MAPK1IP1L: variants seen among roughly 807,000 people sequenced by gnomAD.
MAPK1IP1L encodes mitogen-activated protein kinase 1 interacting protein 1 like.
A neutral mutation model predicts 18.1 loss-of-function variants in MAPK1IP1L; 10 were observed. The ratio of observed to expected loss-of-function variants is 0.55; its 90% CI spans 0.34 to 0.94. MAPK1IP1L has a LOEUF of 0.94. Ranked by LOEUF, MAPK1IP1L falls within the 40% of genes least tolerant of loss-of-function variation. The probability of loss-of-function intolerance (pLI) is 0.02; values close to 1 mark genes in which losing one functional copy is unlikely to be tolerated. For synonymous variants in MAPK1IP1L, 115 were observed against 117.3 expected (o/e 0.98, Z 0.13); for missense variants, 260 against 318.2 (o/e 0.82, Z 1.39).
rs766371369 is a variant in MAPK1IP1L, at chr14:55,062,863, T to G, written c.264T>G (p.Phe88Leu). 3 of 1,613,986 alleles carry G rather than the reference T, an allele frequency of 1.9e-6. No homozygotes were observed. The highest frequency in any genetic ancestry group is 2.5e-6 in the Non-Finnish European group (3 of 1,179,982). Residue 88 changes from phenylalanine to leucine, a missense_variant, in exon 3 of 4, where the codon TTT becomes TTG. By Grantham distance (22) the Phe-to-Leu change is conservative. Transcript: ENST00000395468. ...CACCTCCAGGACCCCCAGCACCCTT[T>G]CCTCCTTCCGGACCATCATGTCCCC... is the stretch of plus-strand genomic sequence containing the variant. ...TGPPPGPPAP[F>L]PPSGPSCPPP...
In MAPK1IP1L at chr14:55,068,282, G is replaced by A. The variant is rs74695522; in HGVS notation, c.*3655G>A. 0.012 allele frequency: 1,861 copies of A among 152,654 alleles called. 22 individuals carry two copies. Among genetic ancestry groups the A allele is most frequent in the East Asian group, 0.067 (347 of 5,184 alleles). 9.5% of individuals were successfully genotyped at this position (152,654 alleles called of 1,614,324 possible). A position where few individuals can be genotyped will look rare whatever the true frequency, so the allele number is the denominator to read the frequency against. On this transcript the variant is annotated 3_prime_UTR_variant, in exon 4 of 4. Transcript: ENST00000395468. ...TCCCACCACCACAATGGACTATTGG[G>A]ATATTTTCTAAAAAACCAATCAATT...
chr14:55,059,225 G>GAAAAAAAAAAAAAAAAAAAAAAAAAAAAA (rs3078612), intron 1 of MAPK1IP1L, among the ~76,000 whole-genome samples: 3 of 63,274 alleles, frequency 4.7e-5, no homozygotes, highest in Admixed American at 2.0e-4. Context: ...AGGAAAATCT[G>GAAAAAAAAAAAAAAAAAAAAAAAAAAAAA]AAAAAAAAAA....
chr14:55,061,765 C>T, intron 2 of MAPK1IP1L, 64 bp downstream of exon 2: 2 of 1,294,960 alleles, frequency 1.5e-6, no homozygotes, highest in East Asian at 2.5e-5. Flanking sequence ...ATGGTCCTAA[C>T]TGGGCTACGT....
At position 55,066,748 on chromosome 14, in the gene MAPK1IP1L, G is replaced by A. The variant is rs2042864868; in HGVS notation, c.*2121G>A. ...TTTTGGGAGAAAATCTGTTGCTAAA[G>A]GATTTGAAGGGCCATGAACACAATT... is the stretch of plus-strand genomic sequence containing the variant. On this transcript the variant is annotated 3_prime_UTR_variant, in exon 4 of 4. Coordinates refer to ENST00000395468, the MANE Select transcript of MAPK1IP1L (RefSeq NM_144578.4). 6.6e-6 allele frequency: 1 copy of A among 152,132 alleles called. No homozygotes were observed. Among genetic ancestry groups the A allele is most frequent in the Non-Finnish European group, 1.5e-5 (1 of 68,018 alleles). The allele number at this position is 152,132 out of a possible 1,614,324, so 9.4% of individuals were successfully genotyped here.
chr14:55,051,990 C>T (rs1437388776), intron 1 of MAPK1IP1L, among the ~76,000 whole-genome samples, 187 bp downstream of exon 1: 1 of 152,162 alleles, frequency 6.6e-6, no homozygotes, highest in Non-Finnish European at 1.5e-5. Flanking sequence ...CGCCTTCCTC[C>T]ACGCTGCGGG....
Position 55,064,863 on chromosome 14 carries a change from A to G in MAPK1IP1L, c.*236A>G, listed in dbSNP as rs948253102. ...CGGATGTGATTTTTATTTGGTTTTCATGGAAAGTTAAAGTGATAAAGTATA... is the reference window on the plus strand; with the variant it reads ...CGGATGTGATTTTTATTTGGTTTTCGTGGAAAGTTAAAGTGATAAAGTATA... On this transcript the variant is annotated 3_prime_UTR_variant, in exon 4 of 4. Coordinates refer to ENST00000395468, the MANE Select transcript of MAPK1IP1L (RefSeq NM_144578.4). The G allele has an allele frequency of 4.9e-6, 2 of 409,366 alleles. No individual in the cohort carries two copies. Among genetic ancestry groups the G allele is most frequent in the African/African-American group, 4.1e-5 (2 of 48,872 alleles). 25.4% of individuals were successfully genotyped at this position (409,366 alleles called of 1,614,324 possible).
rs145413780 is a variant in MAPK1IP1L at position 55,052,664 on chromosome 14, C to G, written c.-5+861C>G. Among the ~76,000 whole-genome samples, 130 of 152,168 alleles carry G rather than the reference C, an allele frequency of 8.5e-4. 1 individual carries two copies. The East Asian group carries it at 0.021, about 25-fold the overall frequency. On this transcript the variant is annotated intron_variant, in intron 1 of 3. Transcript: ENST00000395468. ...GTAAAGGTCTGTTTCGAAAAGGAACCCTCATTACAGGCAAAGGTAGCCTTC... is the reference window on the plus strand; with the variant it reads ...GTAAAGGTCTGTTTCGAAAAGGAACGCTCATTACAGGCAAAGGTAGCCTTC...
chr14:55,062,547 C>T, intron 2 of MAPK1IP1L, 71 bp from the exon 3 acceptor site: 14 of 1,249,692 alleles, frequency 1.1e-5, no homozygotes, highest in South Asian at 8.9e-5. Flanking sequence ...TTACTATTCT[C>T]TGTGGGTTTA....
chr14:55,067,722 G>A lies in MAPK1IP1L; in HGVS notation c.*3095G>A, dbSNP rs1444634778. ...GTGACCTTTTTTTCTTTTTAAAAGG[G>A]AACAATGTTGCTTTCAAAACAAGAC... is the stretch of plus-strand genomic sequence containing the variant. On this transcript the variant is annotated 3_prime_UTR_variant, in exon 4 of 4. Coordinates refer to ENST00000395468, the MANE Select transcript of MAPK1IP1L (RefSeq NM_144578.4). 2 of 152,124 alleles carry A rather than the reference G, an allele frequency of 1.3e-5. No homozygotes were observed. Among genetic ancestry groups the A allele is most frequent in the Non-Finnish European group, 2.9e-5 (2 of 68,010 alleles). 9.4% of individuals were successfully genotyped at this position (152,124 alleles called of 1,614,324 possible). A position where few individuals can be genotyped will look rare whatever the true frequency, so the allele number is the denominator to read the frequency against.
At chr14:55,057,943 A>C (rs2042784703) in intron 1 of MAPK1IP1L, among the ~76,000 whole-genome samples, 1 of 152,106 alleles carries the variant, frequency 6.6e-6, no homozygotes, top group Admixed American at 6.5e-5. Context: ...TCAAAAAAAA[A>C]TTGAATGAAT....
chr14:55,061,760 C>T lies in MAPK1IP1L; in HGVS notation c.18+59C>T, dbSNP rs150192498. On this transcript the variant is annotated intron_variant, in intron 2 of 3. Transcript: ENST00000395468. The stretch of plus-strand genomic sequence containing the variant: ...CATCTCTTAAGAAAAACAACATGGT[C>T]CTAACTGGGCTACGTAAATCTTTTC... 2.2e-3 allele frequency: 2,889 copies of T among 1,320,362 alleles called. 4 individuals are homozygous for T. Among genetic ancestry groups the T allele is most frequent in the Non-Finnish European group, 2.9e-3 (2,720 of 953,058 alleles). 81.8% of individuals were successfully genotyped at this position (1,320,362 alleles called of 1,614,324 possible). A position where few individuals can be genotyped will look rare whatever the true frequency, so the allele number is the denominator to read the frequency against.
chr14:55,057,207 A>T (rs1012673858), intron 1 of MAPK1IP1L, among the ~76,000 whole-genome samples: 1 of 152,216 alleles, frequency 6.6e-6, no homozygotes, highest in African/African-American at 2.4e-5. Flanking sequence ...ACATTTCATT[A>T]TTTAAGTCCT....
intron 1 of MAPK1IP1L, among the ~76,000 whole-genome samples, 158 bp from the exon 2 acceptor site, chr14:55,061,522 G>A (rs1167590643): frequency 6.6e-6 from 1 of 152,206 alleles, no homozygotes; most frequent in Admixed American, 6.5e-5. Context: ...AACTATTATG[G>A]AAAACTTTCC....
Position 55,066,737 on chromosome 14 carries a change from C to G in MAPK1IP1L, c.*2110C>G, listed in dbSNP as rs1370465735. 1 of 152,148 alleles carries G rather than the reference C, an allele frequency of 6.6e-6. No individual in the cohort carries two copies. The highest frequency in any genetic ancestry group is 1.9e-4 in the East Asian group (1 of 5,204). The allele number at this position is 152,148 out of a possible 1,614,324, so 9.4% of individuals were successfully genotyped here. A position where few individuals can be genotyped will look rare whatever the true frequency, so the allele number is the denominator to read the frequency against. ...AAGTCCATTGATTTTGGGAGAAAATCTGTTGCTAAAGGATTTGAAGGGCCA... is the reference window on the plus strand; with the variant it reads ...AAGTCCATTGATTTTGGGAGAAAATGTGTTGCTAAAGGATTTGAAGGGCCA... On this transcript the variant is annotated 3_prime_UTR_variant, in exon 4 of 4. Coordinates refer to ENST00000395468, the MANE Select transcript of MAPK1IP1L (RefSeq NM_144578.4).
chr14:55,057,365 G>A (rs923428785), intron 1 of MAPK1IP1L, among the ~76,000 whole-genome samples: 26 of 152,280 alleles, frequency 1.7e-4, no homozygotes, highest in African/African-American at 6.0e-4. Context: ...TCCTACCCTA[G>A]GTTAATTAAT....
At chr14:55,060,961 G>A (rs1033390250) in intron 1 of MAPK1IP1L, among the ~76,000 whole-genome samples, 2 of 152,122 alleles carry the variant, frequency 1.3e-5, no homozygotes, top group African/African-American at 2.4e-5. Flanking sequence ...AACATAGTGA[G>A]ACACCTGTCT....
At chr14:55,054,098 A>G (rs1331944292) in intron 1 of MAPK1IP1L, among the ~76,000 whole-genome samples, 1 of 152,060 alleles carries the variant, frequency 6.6e-6, no homozygotes, top group African/African-American at 2.4e-5. Context: ...AGTTGCCCAA[A>G]TGTAAAAAAT....
At chr14:55,057,386 G>A (rs1041824496) in intron 1 of MAPK1IP1L, among the ~76,000 whole-genome samples, 1 of 152,168 alleles carries the variant, frequency 6.6e-6, no homozygotes, top group African/African-American at 2.4e-5. Context: ...ATAAAGAAGA[G>A]TTAAATTCCT....
At chr14:55,061,634 G>T in intron 1 of MAPK1IP1L, 46 bp from the exon 2 acceptor site, 1 of 1,382,820 alleles carries the variant, frequency 7.2e-7, no homozygotes, top group South Asian at 1.3e-5. Context: ...GGTGAACACT[G>T]ATTTTGAAAT....
Sources: gnomAD v4.1 joint callset for allele counts (sites outside exome capture counted in the v4.1 genomes callset) on GRCh38, gnomAD v4.1.1 for gene constraint, MANE v1.5 for transcripts, NCBI Gene and HGNC (gene_info 2026-07-23, HGNC 2026-07-21) for gene names.